PDE4D: variants seen among roughly 807,000 people sequenced by gnomAD.
PDE4D encodes the protein 3',5'-cyclic-AMP phosphodiesterase 4D.
A neutral mutation model predicts 87.4 loss-of-function variants in PDE4D; 24 were observed. The ratio of observed to expected loss-of-function variants is 0.27; its 90% CI spans 0.20 to 0.39. The LOEUF is 0.39. PDE4D is among the 10% of genes least tolerant of loss of function. The probability of loss-of-function intolerance (pLI) is 1.00; values close to 1 mark genes in which losing one functional copy is unlikely to be tolerated. For synonymous variants in PDE4D, 384 were observed against 383.2 expected, an observed-to-expected ratio of 1.00 and a Z score of -0.02; for missense variants, 714 against 1,041.0, an observed-to-expected ratio of 0.69 and a Z score of 4.32.
intron 1 of PDE4D, among the ~76,000 whole-genome samples, chr5:60,380,436 A>G (rs527845784): frequency 3.3e-5 from 5 of 152,344 alleles, no homozygotes; most frequent in Non-Finnish European, 7.4e-5. Flanking sequence ...TACATAGTAT[A>G]TGCACCACTT....
chr5:60,124,812 T>C (rs1778986887), intron 2 of PDE4D, among the ~76,000 whole-genome samples: 1 of 152,178 alleles, frequency 6.6e-6, no homozygotes, highest in Non-Finnish European at 1.5e-5. Context: ...TTGTTTATAG[T>C]ACTCCACTGA....
intron 1 of PDE4D, among the ~76,000 whole-genome samples, chr5:59,651,691 G>T (rs911249801): frequency 5.9e-5 from 9 of 151,958 alleles, no homozygotes; most frequent in African/African-American, 1.9e-4. Context: ...ATAACTAATG[G>T]CCTAATTCTA....
chr5:59,165,556 G>A lies in PDE4D; in HGVS notation c.808+15039C>T, dbSNP rs563249169. Among the ~76,000 whole-genome samples the A allele has an allele frequency of 4.6e-4, 70 of 152,314 alleles. 1 individual carries two copies. The highest frequency in any genetic ancestry group is 2.3e-3 in the South Asian group (11 of 4,828). On this transcript the variant is annotated intron_variant, in intron 5 of 14. Transcript: ENST00000340635. ...CTCCCAAAATGCTGGAATTACAGGC[G>A]TGAGCAACCATGCCCAGCCTTTCAT...
intron 1 of PDE4D, among the ~76,000 whole-genome samples, chr5:59,527,946 C>A (rs1409225497): frequency 6.6e-6 from 1 of 152,184 alleles, no homozygotes; most frequent in Non-Finnish European, 1.5e-5. Context: ...AAGTATCCTT[C>A]TGTTATATCT....
intron 2 of PDE4D, among the ~76,000 whole-genome samples, chr5:60,155,797 A>T (rs1781918006): frequency 8.4e-6 from 1 of 118,964 alleles, no homozygotes; most frequent in Non-Finnish European, 1.9e-5. Context: ...CTAAAGGTCT[A>T]AAAAACAGTC....
At chr5:60,345,968 C>T (rs181153478) in intron 1 of PDE4D, among the ~76,000 whole-genome samples, 1 of 150,104 alleles carries the variant, frequency 6.7e-6, no homozygotes, top group African/African-American at 2.5e-5. Context: ...CTTAACAAAC[C>T]TGTTTTCTTT....
intron 1 of PDE4D, among the ~76,000 whole-genome samples, chr5:59,570,599 T>C (rs187681459): frequency 1.4e-3 from 216 of 151,930 alleles, no homozygotes; most frequent in African/African-American, 4.9e-3. Flanking sequence ...AAGAAATAGG[T>C]ATTTTAAACA....
At chr5:59,789,403 C>T (rs548045351) in intron 1 of PDE4D, among the ~76,000 whole-genome samples, 1 of 152,348 alleles carries the variant, frequency 6.6e-6, no homozygotes, top group East Asian at 1.9e-4. Flanking sequence ...AGCTACCAGA[C>T]ATGTGCTCAA....
chr5:60,273,612 G>GTGAAGACC (rs1432938481), intron 1 of PDE4D, among the ~76,000 whole-genome samples: 2 of 152,174 alleles, frequency 1.3e-5, no homozygotes, highest in African/African-American at 4.8e-5. Context: ...GCAAGAGATG[G>GTGAAGACC]TGAAGACCTG....
chr5:60,209,141 C>A (rs1417807231), intron 1 of PDE4D, among the ~76,000 whole-genome samples: 1 of 151,258 alleles, frequency 6.6e-6, no homozygotes, highest in African/African-American at 2.4e-5. Flanking sequence ...CCAGCAAGCC[C>A]TTAGAAATCC....
At chr5:60,466,165 G>T (rs1747337031) in intron 1 of PDE4D, among the ~76,000 whole-genome samples, 1 of 152,104 alleles carries the variant, frequency 6.6e-6, no homozygotes, top group African/African-American at 2.4e-5. Context: ...CATCTACTAG[G>T]TTGAATGGAA....
At chr5:60,073,495 T>C in intron 2 of PDE4D, among the ~76,000 whole-genome samples, 1 of 150,340 alleles carries the variant, frequency 6.7e-6, no homozygotes, top group East Asian at 1.9e-4. Flanking sequence ...GCCAGGTGTT[T>C]TTTTTTTTTT....
At chr5:60,510,633 G>C (rs917775281) in intron 1 of PDE4D, among the ~76,000 whole-genome samples, 3 of 152,202 alleles carry the variant, frequency 2.0e-5, no homozygotes, top group African/African-American at 7.2e-5. Flanking sequence ...GATACAGCTG[G>C]AAGGGCAAGA....
chr5:60,439,106 G>A (rs951559533), intron 1 of PDE4D, among the ~76,000 whole-genome samples: 7 of 151,964 alleles, frequency 4.6e-5, no homozygotes, highest in East Asian at 3.9e-4. Flanking sequence ...ATGCGTCCCC[G>A]ATACAATATT....
At chr5:59,543,232 GGAGA>G (rs1170628731) in intron 1 of PDE4D, among the ~76,000 whole-genome samples, 1 of 152,146 alleles carries the variant, frequency 6.6e-6, no homozygotes, top group Non-Finnish European at 1.5e-5. Context: ...TCTGGAGGAG[GGAGA>G]GAGAAAGTAG....
chr5:59,541,897 G>T (rs1346422560), intron 1 of PDE4D, among the ~76,000 whole-genome samples: 1 of 152,060 alleles, frequency 6.6e-6, no homozygotes, highest in Admixed American at 6.6e-5. Context: ...GGTGACTGCT[G>T]GCTTCTGCAT....
At chr5:59,846,273 C>T (rs569949861) in intron 1 of PDE4D, among the ~76,000 whole-genome samples, 171 of 152,188 alleles carry the variant, frequency 1.1e-3, no homozygotes, top group African/African-American at 4.0e-3. Flanking sequence ...ATTTTCAGCA[C>T]TGCTGGACTG....
intron 1 of PDE4D, among the ~76,000 whole-genome samples, chr5:59,383,794 CAT>C (rs1324295063): frequency 6.6e-6 from 1 of 152,044 alleles, no homozygotes; most frequent in African/African-American, 2.4e-5. Flanking sequence ...TATATACCTA[CAT>C]ATTTATCACA....
At chr5:59,760,339 G>A (rs1435483176) in intron 1 of PDE4D, among the ~76,000 whole-genome samples, 1 of 152,136 alleles carries the variant, frequency 6.6e-6, no homozygotes, top group Non-Finnish European at 1.5e-5. Context: ...CCTTTTGAAA[G>A]TCCACCTAAA....
Sources: gnomAD v4.1 joint callset for allele counts (sites outside exome capture counted in the v4.1 genomes callset) on GRCh38, gnomAD v4.1.1 for gene constraint, MANE v1.5 for transcripts, NCBI Gene and HGNC (gene_info 2026-07-23, HGNC 2026-07-21) for gene names.